Variants in SLC38A7 observed in about 807,000 individuals in gnomAD.
SLC38A7 encodes the protein sodium-coupled neutral amino acid transporter 7.
SLC38A7 carries 29 observed loss-of-function variants against 50.1 expected under a neutral mutation model. The ratio of observed to expected loss-of-function variants is 0.58; its 90% confidence interval spans 0.43 to 0.79. The LOEUF is 0.79. Among genes scored for constraint, SLC38A7 ranks in the 30% least tolerant of loss-of-function variants. SLC38A7 has a pLI of 0.00. For synonymous variants in SLC38A7, 244 were observed against 245.9 expected, an observed-to-expected ratio of 0.99 and a Z score of 0.07; for missense variants, 483 against 610.6, an observed-to-expected ratio of 0.79 and a Z score of 2.20.
intron 2 of SLC38A7, among the ~76,000 whole-genome samples, chr16:58,683,035 G>A (rs940088572): frequency 6.0e-5 from 9 of 151,076 alleles, no homozygotes; most frequent in East Asian, 5.9e-4. Flanking sequence ...AGCCCCCCAC[G>A]CCTGTCATGT....
In SLC38A7 at chr16:58,680,129, C is replaced by G; in HGVS notation, c.-3G>C. Reference sequence around the variant, plus strand: ...TTGTTGATGCTGACCTGGGCCATGGCCCCGAGAGCCTTCTTCCTGCAAGGT... The same window carrying G: ...TTGTTGATGCTGACCTGGGCCATGGGCCCGAGAGCCTTCTTCCTGCAAGGT... On this transcript the variant is annotated 5_prime_UTR_variant, in exon 3 of 12. Transcript: ENST00000219320. 6.6e-7 allele frequency: 1 copy of G among 1,516,090 alleles called. No homozygotes were observed. Among genetic ancestry groups the G allele is most frequent in the Non-Finnish European group, 8.8e-7 (1 of 1,131,356 alleles). The allele number at this position is 1,516,090 out of a possible 1,614,324, so 93.9% of individuals were successfully genotyped here.
Position 58,678,269 on chromosome 16 carries a change from G to A in SLC38A7, c.611+64C>T. On this transcript the variant is annotated intron_variant, in intron 5 of 11. Coordinates refer to ENST00000219320, the MANE Select transcript of SLC38A7 (RefSeq NM_018231.3). The surrounding 1 kb of genome is among the most constrained non-coding windows in gnomAD (Gnocchi z 4.0). ...CATGGAGGAGCAGGGTTCCCCAGGA[G>A]CCCTTGGGTCTACAGCTGCCCAGGA... is the stretch of plus-strand genomic sequence containing the variant. The A allele has an allele frequency of 6.9e-7, 1 of 1,454,870 alleles. No individual in the cohort carries two copies. Among genetic ancestry groups the A allele is most frequent in the Non-Finnish European group, 9.1e-7 (1 of 1,098,194 alleles). The allele number at this position is 1,454,870 out of a possible 1,614,324, so 90.1% of individuals were successfully genotyped here. A position where few individuals can be genotyped will look rare whatever the true frequency, so the allele number is the denominator to read the frequency against.
rs778206107 is a variant in SLC38A7 at position 58,678,670 on chromosome 16, G to A, written c.469+26C>T. ...TCCCTGGGGCTGATAAGAAGAGATG[G>A]GGTAGGGACTGAGGGAGAAGCTCAC... is the stretch of plus-strand genomic sequence containing the variant. On this transcript the variant is annotated intron_variant, in intron 4 of 11. Transcript: ENST00000219320. The surrounding 1 kb of genome is among the most constrained non-coding windows in gnomAD (Gnocchi z 4.0). The A allele has an allele frequency of 1.1e-5, 17 of 1,611,622 alleles. No individual in the cohort carries two copies. The East Asian group carries it at 3.8e-4, about 36-fold the overall frequency.
At chr16:58,670,084 A>G (rs763373740) in intron 11 of SLC38A7, 29 bp downstream of exon 11, 2 of 1,612,220 alleles carry the variant, frequency 1.2e-6, no homozygotes, top group Non-Finnish European at 8.5e-7. Context: ...CACCTCCCTG[A>G]GAGGATCAAG....
At chr16:58,668,721 A>C (rs1268027958) in intron 11 of SLC38A7, among the ~76,000 whole-genome samples, 5 of 103,040 alleles carry the variant, frequency 4.9e-5, no homozygotes, top group Non-Finnish European at 7.3e-5. Flanking sequence ...CTCAAAAAAA[A>C]AAAAAAAAAA....
At position 58,677,437 on chromosome 16, in the gene SLC38A7, A is replaced by G. The variant is rs2044293918; in HGVS notation, c.612-13T>C. 6 of 1,613,336 alleles carry G rather than the reference A, an allele frequency of 3.7e-6. No homozygotes were observed. Among genetic ancestry groups the G allele is most frequent in the Non-Finnish European group, 5.1e-6 (6 of 1,179,274 alleles). On this transcript the variant is annotated splice_polypyrimidine_tract_variant and intron_variant, in intron 5 of 11. Transcript: ENST00000219320. ...GACGCTCAGGAAGCTGCCGGGAAGG[A>G]GAGACTAAGTGTCCTCATCCCCAGC...
At chr16:58,675,823 T>C (rs983265229) in intron 8 of SLC38A7, 117 bp downstream of exon 8, 1 of 774,780 alleles carries the variant, frequency 1.3e-6, no homozygotes, top group East Asian at 2.7e-5. Context: ...CCAATGCCTA[T>C]ACAAGTCATG....
At chr16:58,674,917 C>A (rs191186361) in intron 8 of SLC38A7, among the ~76,000 whole-genome samples, 1 of 152,084 alleles carries the variant, frequency 6.6e-6, no homozygotes, top group African/African-American at 2.4e-5. Flanking sequence ...CCCGAACCAC[C>A]CCCCTGCTTA....
chr16:58,671,105 T>C lies in SLC38A7; in HGVS notation c.1171A>G (p.Ile391Val), dbSNP rs1226467885. 1.2e-6 allele frequency: 2 copies of C among 1,613,772 alleles called. No homozygotes were observed. Among genetic ancestry groups the C allele is most frequent in the African/African-American group, 2.7e-5 (2 of 74,898 alleles). ...TLLLALFIPDIGKVISVIGGL... is the reference protein window; with the variant it reads ...TLLLALFIPDVGKVISVIGGL... The stretch of plus-strand genomic sequence containing the variant: ...CCAATGACTGAGATCACCTTGCCGA[T>C]GTCAGGGATGAAGAGCGCCAGCAGC... Residue 391 changes from isoleucine (I) to valine (V), a missense_variant, in exon 10 of 12, where the codon ATC (isoleucine) becomes GTC (valine). Physicochemically the swap from Ile to Val is conservative, Grantham distance 29 (BLOSUM62 3). Coordinates refer to ENST00000219320, the MANE Select transcript of SLC38A7 (RefSeq NM_018231.3).
In SLC38A7 at chr16:58,679,891, G is replaced by A. The variant is rs376508664; in HGVS notation, c.236C>T (p.Ala79Val). ...TGCGATGCCTGCTGCCACGCCCCCC[G>A]CAGTGCTGAAGGCTGCTGGGAAGTT... is the stretch of plus-strand genomic sequence containing the variant. ...LLNFPAAFST[A>V]GGVAAGIALQ... The change falls in exon 3 of 12, where the codon GCG (alanine) becomes GTG (valine). Residue 79 changes from alanine (A) to valine (V), a missense_variant. Ala to Val is a moderately conservative substitution (Grantham distance 64). Coordinates refer to ENST00000219320, the MANE Select transcript of SLC38A7 (RefSeq NM_018231.3). 2.1e-5 allele frequency: 34 copies of A among 1,613,666 alleles called. No individual in the cohort carries two copies. The highest frequency in any genetic ancestry group is 1.6e-4 in the Middle Eastern group (1 of 6,084).
chr16:58,676,820 T>G (rs972502184), intron 6 of SLC38A7, among the ~76,000 whole-genome samples: 26 of 151,888 alleles, frequency 1.7e-4, no homozygotes, highest in Admixed American at 7.2e-4. Context: ...CCCGGCTAAT[T>G]TTTTTGTATT....
chr16:58,682,324 GGCT>G (rs1400221659), intron 2 of SLC38A7, among the ~76,000 whole-genome samples: 1 of 152,110 alleles, frequency 6.6e-6, no homozygotes, highest in Non-Finnish European at 1.5e-5. Flanking sequence ...CTTCCCCAGA[GGCT>G]GCTATTAGCT....
In SLC38A7 at chr16:58,679,954, A is replaced by C. The variant is rs1375545627; in HGVS notation, c.173T>G (p.Phe58Cys). 6.2e-7 allele frequency: 1 copy of C among 1,611,866 alleles called. No homozygotes were observed. The highest frequency in any genetic ancestry group is 1.3e-5 in the African/African-American group (1 of 74,864). ...RGTTSTLGAI[F>C]IVVNACLGAG... ...ACCCAGGCACGCGTTGACGACGATG[A>C]AGATGGCCCCAAGTGTGGAAGTGGT... The change falls in exon 3 of 12, where the codon TTC (phenylalanine) becomes TGC (cysteine). Residue 58 changes from phenylalanine (F) to cysteine (C), a missense_variant. Physicochemically the swap from Phe to Cys is radical, Grantham distance 205. Coordinates refer to ENST00000219320, the MANE Select transcript of SLC38A7 (RefSeq NM_018231.3).
In SLC38A7 at chr16:58,678,290, C is replaced by G; in HGVS notation, c.611+43G>C. ...AGGAGCCCTTGGGTCTACAGCTGCC[C>G]AGGATCATAGCTTCTGTCTGACCCA... On this transcript the variant is annotated intron_variant, in intron 5 of 11. Coordinates refer to ENST00000219320, the MANE Select transcript of SLC38A7 (RefSeq NM_018231.3). This position sits in a 1 kb window ranked among gnomAD's most constrained non-coding sequence, Gnocchi z 4.0. 2 of 1,499,256 alleles carry G rather than the reference C, an allele frequency of 1.3e-6. No individual in the cohort carries two copies. Among genetic ancestry groups the G allele is most frequent in the South Asian group, 1.4e-5 (1 of 70,644 alleles). The allele number at this position is 1,499,256 out of a possible 1,614,324, so 92.9% of individuals were successfully genotyped here.
chr16:58,674,183 G>A (rs935596120), intron 8 of SLC38A7, among the ~76,000 whole-genome samples: 10 of 152,140 alleles, frequency 6.6e-5, no homozygotes, highest in Non-Finnish European at 1.5e-4. Flanking sequence ...TGCCGAGGCT[G>A]GTCTTGAACT....
Position 58,667,314 on chromosome 16 carries a change from G to A in SLC38A7, c.*71C>T, listed in dbSNP as rs765680985. 18 of 1,448,984 alleles carry A rather than the reference G, an allele frequency of 1.2e-5. No homozygotes were observed. The South Asian group carries it at 1.9e-4, about 16-fold the overall frequency. The allele number at this position is 1,448,984 out of a possible 1,614,324, so 89.8% of individuals were successfully genotyped here. A position where few individuals can be genotyped will look rare whatever the true frequency, so the allele number is the denominator to read the frequency against. On this transcript the variant is annotated 3_prime_UTR_variant, in exon 12 of 12. Transcript: ENST00000219320. ...GTTGGAATGATCGTGGACTAAGAAT[G>A]GCCCCATAGCTCTAAGAGATGGGTT...
chr16:58,678,487 G>C lies in SLC38A7; in HGVS notation c.470-13C>G. The C allele has an allele frequency of 6.5e-7, 1 of 1,546,434 alleles. No individual in the cohort carries two copies. Among genetic ancestry groups the C allele is most frequent in the African/African-American group, 1.4e-5 (1 of 73,224 alleles). On this transcript the variant is annotated splice_polypyrimidine_tract_variant and intron_variant, in intron 4 of 11. Coordinates refer to ENST00000219320, the MANE Select transcript of SLC38A7 (RefSeq NM_018231.3). The surrounding 1 kb of genome is among the most constrained non-coding windows in gnomAD (Gnocchi z 4.0). ...ATCACAGCTATAACTGCACAGGGAGGAAGGAGGGAATGTCAAGCCAGGCCA... is the reference window on the plus strand; with the variant it reads ...ATCACAGCTATAACTGCACAGGGAGCAAGGAGGGAATGTCAAGCCAGGCCA...
chr16:58,672,026 A>G, intron 9 of SLC38A7, 70 bp downstream of exon 9: 2 of 1,214,680 alleles, frequency 1.6e-6, no homozygotes, highest in Non-Finnish European at 2.2e-6. Context: ...GGTCCACACA[A>G]GGCCAAAGGA....
At position 58,667,037 on chromosome 16, in the gene SLC38A7, C is replaced by T. The variant is rs571133332; in HGVS notation, c.*348G>A. The stretch of plus-strand genomic sequence containing the variant: ...TGGTGGCCTTCTGTCCATAGTCATT[C>T]TCCAGAGGGAAGTCAGACTGGATTC... On this transcript the variant is annotated 3_prime_UTR_variant, in exon 12 of 12. Coordinates refer to ENST00000219320, the MANE Select transcript of SLC38A7 (RefSeq NM_018231.3). 5.4e-6 allele frequency: 2 copies of T among 369,194 alleles called. No individual in the cohort carries two copies. The highest frequency in any genetic ancestry group is 9.2e-5 in the East Asian group (2 of 21,824). 22.9% of individuals were successfully genotyped at this position (369,194 alleles called of 1,614,324 possible).
Sources: gnomAD v4.1 joint callset for allele counts (sites outside exome capture counted in the v4.1 genomes callset) on GRCh38, gnomAD v4.1.1 for gene constraint, Gnocchi (gnomAD v3.1) non-coding constraint, MANE v1.5 for transcripts, NCBI Gene and HGNC (gene_info 2026-07-23, HGNC 2026-07-21) for gene names.